The following ALK variants were observed in gnomAD, a reference collection of about 807,000 sequenced individuals.
ALK encodes the protein ALK receptor tyrosine kinase.
ALK carries 74 observed loss-of-function variants against 163.1 expected under a neutral mutation model. The observed-to-expected ratio is 0.45, with a 90% CI of 0.38 to 0.55. The LOEUF (loss-of-function observed/expected upper bound fraction) is 0.55. Ranked by LOEUF, ALK falls within the 20% of genes least tolerant of loss-of-function variation. ALK has a pLI of 0.00. For missense variants in ALK, 2,063 were observed against 2,105.3 expected, an observed-to-expected ratio of 0.98 and a Z score of 0.39; for synonymous variants, 960 against 843.2, an observed-to-expected ratio of 1.14 and a Z score of -2.40.
chr2:29,751,445 G>A (rs149071020), intron 1 of ALK, among the ~76,000 whole-genome samples: 25 of 152,216 alleles, frequency 1.6e-4, no homozygotes, highest in Middle Eastern at 3.4e-3. Context: ...TATGTGGCCC[G>A]TGACTAGTTT....
chr2:29,499,437 C>T (rs1488523569), intron 4 of ALK, among the ~76,000 whole-genome samples: 1 of 152,174 alleles, frequency 6.6e-6, no homozygotes, highest in Admixed American at 6.5e-5. Context: ...CTCAAGTGAT[C>T]CACCTGCCTT....
chr2:29,743,794 A>G (rs1680128786), intron 1 of ALK, among the ~76,000 whole-genome samples: 1 of 152,154 alleles, frequency 6.6e-6, no homozygotes, highest in South Asian at 2.1e-4. Context: ...AATGGGCCCC[A>G]GGTTTGCAGG....
intron 5 of ALK, among the ~76,000 whole-genome samples, chr2:29,330,342 G>A (rs971623308): frequency 5.9e-5 from 9 of 152,140 alleles, no homozygotes; most frequent in Non-Finnish European, 8.8e-5. Flanking sequence ...CCTGCCGTCC[G>A]TCCAGGTCCA....
chr2:29,830,911 A>G (rs966628492), intron 1 of ALK, among the ~76,000 whole-genome samples: 3 of 121,654 alleles, frequency 2.5e-5, no homozygotes, highest in South Asian at 2.9e-4. Context: ...CTCTAAAGAA[A>G]TGAAGAAGAA....
chr2:29,867,543 T>C (rs1186406514), intron 1 of ALK, among the ~76,000 whole-genome samples: 4 of 152,174 alleles, frequency 2.6e-5, no homozygotes, highest in Non-Finnish European at 5.9e-5. Flanking sequence ...TCTCTGACAA[T>C]TTAAGATCTT....
chr2:29,637,835 G>A (rs1209645878), intron 3 of ALK, among the ~76,000 whole-genome samples: 1 of 151,892 alleles, frequency 6.6e-6, no homozygotes, highest in Admixed American at 6.6e-5. Flanking sequence ...TGGAAATTGT[G>A]TAAAAAGGGA....
chr2:29,370,946 T>A (rs188903484), intron 5 of ALK, among the ~76,000 whole-genome samples: 5 of 152,292 alleles, frequency 3.3e-5, no homozygotes, highest in Admixed American at 3.3e-4. Flanking sequence ...ATGGGGGGAA[T>A]TAGTTAATGT....
chr2:29,678,597 G>A (rs924480678), intron 3 of ALK, among the ~76,000 whole-genome samples: 1 of 150,990 alleles, frequency 6.6e-6, no homozygotes, highest in Non-Finnish European at 1.5e-5. Flanking sequence ...AATAGTCAGG[G>A]ATTTCTGAGA....
intron 4 of ALK, among the ~76,000 whole-genome samples, chr2:29,521,197 C>A (rs1250960129): frequency 1.3e-5 from 2 of 152,164 alleles, no homozygotes; most frequent in Admixed American, 1.3e-4. Flanking sequence ...TAGGGTGGAG[C>A]AAGGTCCTGG....
intron 3 of ALK, among the ~76,000 whole-genome samples, chr2:29,631,999 C>T (rs551095217): frequency 3.3e-5 from 5 of 152,326 alleles, no homozygotes; most frequent in African/African-American, 1.2e-4. Flanking sequence ...CTAAGCAGCA[C>T]TGAAGGGTAG....
intron 3 of ALK, among the ~76,000 whole-genome samples, chr2:29,562,683 T>C (rs1462169306): frequency 6.6e-6 from 1 of 152,226 alleles, no homozygotes; most frequent in African/African-American, 2.4e-5. Context: ...CATTTGAGTA[T>C]GACACTTCAC....
rs79930226 is a variant in ALK at position 29,214,650 on chromosome 2, G to A, written c.3646-569C>T. On this transcript the variant is annotated intron_variant, in intron 23 of 28. Coordinates refer to ENST00000389048, the MANE Select transcript of ALK (RefSeq NM_004304.5). ...AGCTATCTCAAGCTTTTCCGCATGAGGTCTCTTTCATTCAAAAGGAGATGT... is the reference window on the plus strand; with the variant it reads ...AGCTATCTCAAGCTTTTCCGCATGAAGTCTCTTTCATTCAAAAGGAGATGT... 6.1e-3 allele frequency among the ~76,000 whole-genome samples: 930 copies of A among 152,312 alleles called. 2 individuals carry two copies. Among genetic ancestry groups the A allele is most frequent in the Non-Finnish European group, 0.011 (721 of 68,024 alleles).
chr2:29,580,935 G>A (rs1283946821), intron 3 of ALK, among the ~76,000 whole-genome samples: 2 of 152,174 alleles, frequency 1.3e-5, no homozygotes, highest in African/African-American at 4.8e-5. Flanking sequence ...AGTGTTGAGG[G>A]CTAGGAAGCA....
chr2:29,282,436 C>T (rs978106255), intron 9 of ALK, among the ~76,000 whole-genome samples: 1 of 152,152 alleles, frequency 6.6e-6, no homozygotes, highest in Non-Finnish European at 1.5e-5. Context: ...CCATCCTTGG[C>T]CATGTCAAAC....
intron 11 of ALK, among the ~76,000 whole-genome samples, chr2:29,251,775 T>A (rs185436358): frequency 6.6e-6 from 1 of 152,202 alleles, no homozygotes; most frequent in Non-Finnish European, 1.5e-5. Flanking sequence ...GCATTGCCTA[T>A]AGGAGCCTCT....
chr2:29,718,646 C>T (rs1679333761), intron 1 of ALK, among the ~76,000 whole-genome samples: 1 of 152,202 alleles, frequency 6.6e-6, no homozygotes, highest in South Asian at 2.1e-4. Flanking sequence ...CATAATGTCA[C>T]ATGATATTCA....
intron 3 of ALK, among the ~76,000 whole-genome samples, chr2:29,588,656 G>A (rs924963054): frequency 2.0e-5 from 3 of 152,160 alleles, no homozygotes; most frequent in Admixed American, 6.5e-5. Flanking sequence ...TTTATGCTTT[G>A]TGAGACAGAC....
intron 1 of ALK, among the ~76,000 whole-genome samples, chr2:29,871,064 T>C (rs1452082296): frequency 6.6e-6 from 1 of 152,174 alleles, no homozygotes; most frequent in Non-Finnish European, 1.5e-5. Context: ...TTCAATCCTG[T>C]GGGGACAGAA....
chr2:29,295,560 CA>C (rs1397536534), intron 9 of ALK, among the ~76,000 whole-genome samples: 2 of 152,192 alleles, frequency 1.3e-5, no homozygotes, highest in Non-Finnish European at 2.9e-5. Context: ...CGTTAACCCA[CA>C]CACATCTGAA....
Sources: gnomAD v4.1 joint callset for allele counts (sites outside exome capture counted in the v4.1 genomes callset) on GRCh38, gnomAD v4.1.1 for gene constraint, MANE v1.5 for transcripts, NCBI Gene and HGNC (gene_info 2026-07-23, HGNC 2026-07-21) for gene names.